DCDC1: variants seen among roughly 807,000 people sequenced by gnomAD.
The protein encoded by DCDC1 is doublecortin domain containing 1.
A neutral mutation model predicts 178.3 loss-of-function variants in DCDC1; 200 were observed. The ratio of observed to expected loss-of-function variants is 1.12; its 90% confidence interval spans 1.00 to 1.26. DCDC1 has a LOEUF of 1.26. Ranked by LOEUF, DCDC1 falls within the 50% of genes most tolerant of loss-of-function variation. DCDC1 has a pLI of 0.00. For synonymous variants in DCDC1, 690 were observed against 604.8 expected, an observed-to-expected ratio of 1.14 and a Z score of -2.07; for missense variants, 1,983 against 1,749.2, an observed-to-expected ratio of 1.13 and a Z score of -2.38.
intron 9 of DCDC1, among the ~76,000 whole-genome samples, chr11:31,239,166 A>G (rs1272862943): frequency 6.6e-6 from 1 of 152,074 alleles, no homozygotes; most frequent in Non-Finnish European, 1.5e-5. Flanking sequence ...TTAATTTGTT[A>G]AGGAAATAGG....
At chr11:31,165,116 AAAT>A (rs1167358520) in intron 9 of DCDC1, among the ~76,000 whole-genome samples, 1 of 152,216 alleles carries the variant, frequency 6.6e-6, no homozygotes, top group Non-Finnish European at 1.5e-5. Flanking sequence ...AAAAAGAATA[AAAT>A]AGTCAGTCAT....
At chr11:30,888,346 C>G (rs191767425) in intron 36 of DCDC1, among the ~76,000 whole-genome samples, 110 of 152,240 alleles carry the variant, frequency 7.2e-4, no homozygotes, top group African/African-American at 2.6e-3. Context: ...GTAACAAATA[C>G]AGATGAGTTA....
chr11:30,988,614 G>A (rs768726678), intron 20 of DCDC1, among the ~76,000 whole-genome samples: 1 of 152,008 alleles, frequency 6.6e-6, no homozygotes, highest in African/African-American at 2.4e-5. Context: ...TCTACAGCAG[G>A]GGCATCCAAT....
chr11:31,055,018 G>A (rs980864248), intron 20 of DCDC1, among the ~76,000 whole-genome samples: 4 of 151,944 alleles, frequency 2.6e-5, no homozygotes, highest in Non-Finnish European at 4.4e-5. Context: ...GCTTTCGCAC[G>A]GCAAAAGGAA....
chr11:30,919,766 A>T (rs1027962904), intron 25 of DCDC1, among the ~76,000 whole-genome samples: 1 of 152,254 alleles, frequency 6.6e-6, no homozygotes, highest in East Asian at 1.9e-4. Context: ...AATTAATAAC[A>T]ATGATATATA....
At chr11:30,973,425 T>C (rs1265901334) in intron 20 of DCDC1, among the ~76,000 whole-genome samples, 1 of 152,104 alleles carries the variant, frequency 6.6e-6, no homozygotes, top group East Asian at 1.9e-4. Context: ...ATGTTTCCTT[T>C]ACAGCCTGTG....
intron 7 of DCDC1, among the ~76,000 whole-genome samples, chr11:31,286,153 T>C (rs1345729766): frequency 6.6e-6 from 1 of 151,852 alleles, no homozygotes; most frequent in African/African-American, 2.4e-5. Context: ...AAATTCAGAT[T>C]CCCAGGGCCC....
At position 31,064,501 on chromosome 11, in the gene DCDC1, C is replaced by T. The variant is rs1278679725; in HGVS notation, c.2559G>A (p.Leu853=). ...GELTVALVRK[L]EEKHPKASAQ... ...CAGAAGCCTTAGGATGTTTCTCTTC[C>T]AGTTTCCTCACCAGTGCTACTGTCA... Residue 853 remains leucine, a synonymous_variant, in exon 20 of 39, where the codon CTG becomes CTA. Coordinates refer to ENST00000684477, the MANE Select transcript of DCDC1 (RefSeq NM_001387274.1). The T allele has an allele frequency of 1.3e-6, 1 of 765,764 alleles. No homozygotes were observed. The highest frequency in any genetic ancestry group is 2.3e-4 in the Middle Eastern group (1 of 4,428). 47.4% of individuals were successfully genotyped at this position (765,764 alleles called of 1,614,324 possible).
chr11:31,132,008 G>A (rs1353711579), intron 10 of DCDC1, among the ~76,000 whole-genome samples: 1 of 152,144 alleles, frequency 6.6e-6, no homozygotes, highest in Admixed American at 6.5e-5. Context: ...AGGGCTATTG[G>A]CTAAAGTCTT....
chr11:30,869,750 C>T (rs528525350), intron 38 of DCDC1, among the ~76,000 whole-genome samples: 2 of 152,208 alleles, frequency 1.3e-5, no homozygotes, highest in African/African-American at 4.8e-5. Context: ...GGGTGGAGTG[C>T]AGAACTCTGT....
At chr11:31,205,095 C>A (rs1356880452) in intron 9 of DCDC1, among the ~76,000 whole-genome samples, 2 of 152,194 alleles carry the variant, frequency 1.3e-5, no homozygotes, top group Non-Finnish European at 2.9e-5. Flanking sequence ...ACTGTGAAAC[C>A]TTCCTGCTGG....
At chr11:30,949,136 A>G (rs1479493842) in intron 21 of DCDC1, among the ~76,000 whole-genome samples, 1 of 152,194 alleles carries the variant, frequency 6.6e-6, no homozygotes, top group Non-Finnish European at 1.5e-5. Flanking sequence ...AGAATCTACA[A>G]AGAACTTAAA....
intron 37 of DCDC1, among the ~76,000 whole-genome samples, chr11:30,879,555 A>G (rs1942457593): frequency 6.6e-6 from 1 of 152,204 alleles, no homozygotes; most frequent in South Asian, 2.1e-4. Flanking sequence ...CCATGAAGGT[A>G]ACATGGGGAA....
chr11:31,232,340 T>A (rs1402129007), intron 9 of DCDC1, among the ~76,000 whole-genome samples: 1 of 152,146 alleles, frequency 6.6e-6, no homozygotes, highest in Non-Finnish European at 1.5e-5. Context: ...AGTTTTAAAA[T>A]CCTGTTTTGG....
Position 30,932,001 on chromosome 11 carries a change from C to T in DCDC1, c.2716-49G>A. The stretch of plus-strand genomic sequence containing the variant: ...ATAATAATAAATACAGAAGAAGGGT[C>T]ATGTCTAGATTTTTAAAAATATTAA... On this transcript the variant is annotated intron_variant, in intron 21 of 38. Transcript: ENST00000684477. The T allele has an allele frequency of 2.7e-6, 4 of 1,500,022 alleles. No individual in the cohort carries two copies. In the South Asian group the frequency reaches 5.4e-5, roughly 20 times the overall value. 92.9% of individuals were successfully genotyped at this position (1,500,022 alleles called of 1,614,324 possible).
chr11:31,352,788 T>C lies in DCDC1; in HGVS notation c.-125+16909A>G, dbSNP rs566809184. ...ATGACCCAAAATGAAACCCCAAATG[T>C]AGCAAAAGGCTACACTCGTATGTAG... On this transcript the variant is annotated intron_variant, in intron 1 of 38. Coordinates refer to ENST00000684477, the MANE Select transcript of DCDC1 (RefSeq NM_001387274.1). Among the ~76,000 whole-genome samples, 1,097 of 152,238 alleles carry C rather than the reference T, an allele frequency of 7.2e-3. 7 individuals carry two copies. The highest frequency in any genetic ancestry group is 0.011 in the Non-Finnish European group (771 of 67,998).
chr11:31,019,508 TGGAGA>T (rs771157483), intron 20 of DCDC1, among the ~76,000 whole-genome samples: 2 of 152,156 alleles, frequency 1.3e-5, no homozygotes, highest in Non-Finnish European at 2.9e-5. Context: ...GGTGGTGCAG[TGGAGA>T]GGAATGTTTA....
chr11:30,893,483 C>T (rs1943958414), intron 35 of DCDC1, among the ~76,000 whole-genome samples: 1 of 152,152 alleles, frequency 6.6e-6, no homozygotes. Context: ...AGATCCCTGC[C>T]AGGCAGCTTT....
At chr11:30,991,227 G>C (rs1204701224) in intron 20 of DCDC1, among the ~76,000 whole-genome samples, 1 of 152,124 alleles carries the variant, frequency 6.6e-6, no homozygotes, top group African/African-American at 2.4e-5. Context: ...AAGGAGGAGA[G>C]AGGCAGCATA....
Sources: allele counts gnomAD v4.1 joint callset (sites outside exome capture counted in the v4.1 genomes callset), GRCh38; gene constraint gnomAD v4.1.1; transcripts MANE v1.5; gene names NCBI Gene and HGNC (gene_info 2026-07-23, HGNC 2026-07-21).